Variants in NUP62CL observed in about 807,000 individuals in gnomAD.
The protein encoded by NUP62CL is nucleoporin-62 C-terminal-like protein.
NUP62CL carries 13 observed loss-of-function variants against 15.3 expected under a neutral mutation model. The ratio of observed to expected loss-of-function variants is 0.85; its 90% CI spans 0.55 to 1.35. The LOEUF (loss-of-function observed/expected upper bound fraction) is 1.35, where lower values mean the gene tolerates loss of function less well. Ranked by LOEUF, NUP62CL falls within the 40% of genes most tolerant of loss-of-function variation. NUP62CL has a pLI of 0.00. For missense variants in NUP62CL, 123 were observed against 130.6 expected (o/e 0.94, Z 0.28); for synonymous variants, 54 against 49.2 (o/e 1.10, Z -0.41).
intron 8 of NUP62CL, among the ~76,000 whole-genome samples, chrX:107,138,935 G>A (rs1352885016): frequency 8.9e-6 from 1 of 111,934 alleles, no homozygotes; most frequent in African/African-American, 3.2e-5. Context: ...TAAACCAACT[G>A]CGGTATACCC....
chrX:107,189,397 G>GA (rs995913251), intron 2 of NUP62CL, among the ~76,000 whole-genome samples: 1 of 110,607 alleles, frequency 9.0e-6, no homozygotes, highest in African/African-American at 3.3e-5. Flanking sequence ...CCAAAAAGTA[G>GA]AAAAAATACA....
chrX:107,172,909 TCAAAAC>T (rs1926684474), intron 3 of NUP62CL, among the ~76,000 whole-genome samples: 1 of 111,113 alleles, frequency 9.0e-6, no homozygotes, highest in African/African-American at 3.3e-5. Context: ...GATGAGATGG[TCAAAAC>T]CACTTAGCCC....
intron 3 of NUP62CL, among the ~76,000 whole-genome samples, chrX:107,172,749 G>A (rs938976543): frequency 4.5e-5 from 5 of 111,868 alleles, no homozygotes; most frequent in East Asian, 5.6e-4. Flanking sequence ...GATCAATAAC[G>A]AAAATTCTTA....
At position 107,186,438 on chromosome X, in the gene NUP62CL, G is replaced by A. The variant is rs776613108; in HGVS notation, c.-48+6591C>T. Among the ~76,000 whole-genome samples the A allele has an allele frequency of 3.6e-5, 4 of 111,222 alleles. No individual in the cohort carries two copies. In the South Asian group the frequency reaches 1.5e-3, roughly 43 times the overall value. On this transcript the variant is annotated intron_variant, in intron 2 of 8. Coordinates refer to ENST00000372466, the MANE Select transcript of NUP62CL (RefSeq NM_017681.3). ...CAGCAAAAATCTACTCAGTTTTGCA[G>A]ATACTTTTAATACACAATTTTGTTA...
intron 8 of NUP62CL, among the ~76,000 whole-genome samples, chrX:107,140,815 T>C (rs752874510): frequency 8.9e-6 from 1 of 112,255 alleles, no homozygotes; most frequent in Non-Finnish European, 1.9e-5. Context: ...GAATCCCATC[T>C]GGCAAAGTTT....
intron 4 of NUP62CL, among the ~76,000 whole-genome samples, chrX:107,166,935 C>T (rs1391505641): frequency 9.0e-6 from 1 of 111,231 alleles, no homozygotes; most frequent in Non-Finnish European, 1.9e-5. Flanking sequence ...GTGGGTGTGG[C>T]TATACAAGGG....
chrX:107,192,662 C>T (rs752334429), intron 2 of NUP62CL, among the ~76,000 whole-genome samples: 28 of 111,982 alleles, frequency 2.5e-4, no homozygotes, highest in Non-Finnish European at 4.1e-4. Flanking sequence ...ATTACAAGCG[C>T]GAACCACTGC....
At chrX:107,187,266 G>C (rs1052952455) in intron 2 of NUP62CL, among the ~76,000 whole-genome samples, 2 of 110,953 alleles carry the variant, frequency 1.8e-5, no homozygotes, top group African/African-American at 3.3e-5. Flanking sequence ...AATAATTTAA[G>C]CTCCCAACTG....
intron 4 of NUP62CL, among the ~76,000 whole-genome samples, chrX:107,160,478 A>C (rs1163617744): frequency 3.8e-4 from 41 of 108,278 alleles, no homozygotes; most frequent in African/African-American, 1.3e-3. Flanking sequence ...ATAACGCCGC[A>C]TACCTACAAC....
At chrX:107,128,334 A>G (rs1488969472) in intron 8 of NUP62CL, among the ~76,000 whole-genome samples, 1 of 112,178 alleles carries the variant, frequency 8.9e-6, no homozygotes, top group Non-Finnish European at 1.9e-5. Flanking sequence ...AATAACATGG[A>G]AAGATGGTCA....
In NUP62CL at chrX:107,154,315, C is replaced by A. The variant is rs182428511; in HGVS notation, c.195-69G>T. ...AAAAAGTGTGATCAGATTTTAAAAACGAACACAGGAGGACTCTGAGAAGAA... is the reference window on the plus strand; with the variant it reads ...AAAAAGTGTGATCAGATTTTAAAAAAGAACACAGGAGGACTCTGAGAAGAA... On this transcript the variant is annotated intron_variant, in intron 4 of 8. Coordinates refer to ENST00000372466, the MANE Select transcript of NUP62CL (RefSeq NM_017681.3). 7.3e-5 allele frequency: 66 copies of A among 905,810 alleles called. No homozygotes were observed. The South Asian group carries it at 1.9e-3, about 26-fold the overall frequency. The allele number at this position is 905,810 out of a possible 1,213,427, so 74.6% of individuals were successfully genotyped here.
intron 4 of NUP62CL, among the ~76,000 whole-genome samples, chrX:107,167,362 T>C (rs1467421516): frequency 2.7e-5 from 3 of 112,072 alleles, no homozygotes; most frequent in African/African-American, 9.7e-5. Context: ...ATGCTTGTAA[T>C]GCATTGTCAT....
chrX:107,184,340 A>AG (rs1569364487), intron 2 of NUP62CL, among the ~76,000 whole-genome samples: 6 of 82,064 alleles, frequency 7.3e-5, no homozygotes, highest in African/African-American at 3.2e-4. Context: ...AGAAAGAAAG[A>AG]AAGAAAGAAA....
At chrX:107,192,054 G>A (rs768792668) in intron 2 of NUP62CL, among the ~76,000 whole-genome samples, 2 of 111,619 alleles carry the variant, frequency 1.8e-5, no homozygotes, top group Non-Finnish European at 3.8e-5. Flanking sequence ...TAAAAGACAT[G>A]AGGCTATCAG....
At chrX:107,155,570 C>T (rs1220069770) in intron 4 of NUP62CL, among the ~76,000 whole-genome samples, 1 of 111,864 alleles carries the variant, frequency 8.9e-6, no homozygotes, top group East Asian at 2.8e-4. Context: ...CTTGAGGCAG[C>T]GTGGTAAGTG....
At chrX:107,202,806 G>A (rs1183108391) in intron 1 of NUP62CL, 1 of 105,172 alleles carries the variant, frequency 9.5e-6, no homozygotes, top group African/African-American at 3.5e-5. Flanking sequence ...GACCAGCATG[G>A]GGAACGTGGT....
At chrX:107,203,568 C>G (rs1164120005) in intron 1 of NUP62CL, among the ~76,000 whole-genome samples, 3 of 111,144 alleles carry the variant, frequency 2.7e-5, no homozygotes, top group Non-Finnish European at 5.7e-5. Context: ...TCAAAGGACA[C>G]ATAGTATCTT....
At chrX:107,155,571 G>C (rs186130443) in intron 4 of NUP62CL, among the ~76,000 whole-genome samples, 1 of 112,037 alleles carries the variant, frequency 8.9e-6, no homozygotes, top group African/African-American at 3.2e-5. Flanking sequence ...TTGAGGCAGC[G>C]TGGTAAGTGC....
Position 107,185,196 on chromosome X carries a change from C to CAAAAAAA in NUP62CL, c.-48+7826_-48+7832dup, listed in dbSNP as rs3072235. ...TGGGCGACACAGCGAGACTCCGTCT[C>CAAAAAAA]AAAAAAAAAAAAAAAAAAAAAAAAA... On this transcript the variant is annotated intron_variant, in intron 2 of 8. Coordinates refer to ENST00000372466, the MANE Select transcript of NUP62CL (RefSeq NM_017681.3). Among the ~76,000 whole-genome samples, 119 of 20,974 alleles carry CAAAAAAA rather than the reference C, an allele frequency of 5.7e-3. 28 individuals carry two copies. The highest frequency in any genetic ancestry group is 0.017 in the African/African-American group (107 of 6,462). The allele number at this position is 20,974 out of a possible 115,157, so 18.2% of individuals were successfully genotyped here.
Sources: allele counts gnomAD v4.1 joint callset (sites outside exome capture counted in the v4.1 genomes callset), GRCh38; gene constraint gnomAD v4.1.1; transcripts MANE v1.5; gene names NCBI Gene and HGNC (gene_info 2026-07-23, HGNC 2026-07-21).